SORCS1: variants seen among roughly 807,000 people sequenced by gnomAD.
SORCS1 encodes the protein VPS10 domain-containing receptor SorCS1.
A neutral mutation model predicts 146.1 loss-of-function variants in SORCS1; 60 were observed. The ratio of observed to expected loss-of-function variants is 0.41; its 90% confidence interval spans 0.33 to 0.51. SORCS1 has a LOEUF of 0.51. SORCS1 is among the 20% of genes least tolerant of loss of function. The pLI is 0.21. For synonymous variants in SORCS1, 637 were observed against 584.0 expected, an observed-to-expected ratio of 1.09 and a Z score of -1.31; for missense variants, 1,352 against 1,487.6, an observed-to-expected ratio of 0.91 and a Z score of 1.50.
At chr10:106,889,601 A>C (rs917905580) in intron 2 of SORCS1, among the ~76,000 whole-genome samples, 8 of 151,892 alleles carry the variant, frequency 5.3e-5, no homozygotes, top group African/African-American at 1.9e-4. Flanking sequence ...CGTCTCTACT[A>C]AACATACAAA....
At chr10:107,160,680 A>G (rs914029987) in intron 1 of SORCS1, among the ~76,000 whole-genome samples, 2 of 152,206 alleles carry the variant, frequency 1.3e-5, no homozygotes, top group African/African-American at 2.4e-5. Context: ...AAAGGGGCAG[A>G]GTGGTGAATT....
chr10:106,780,977 C>CT (rs3045084), intron 3 of SORCS1, among the ~76,000 whole-genome samples: 268 of 146,120 alleles, frequency 1.8e-3, no homozygotes, highest in East Asian at 4.4e-3. Context: ...GTCACTTCTC[C>CT]TTTTTTTTTT....
chr10:106,658,492 A>T (rs1322986700), intron 17 of SORCS1, among the ~76,000 whole-genome samples: 3 of 152,182 alleles, frequency 2.0e-5, no homozygotes, highest in African/African-American at 7.2e-5. Context: ...AATAAAAAAA[A>T]AGCATAAATA....
intron 2 of SORCS1, among the ~76,000 whole-genome samples, chr10:106,917,608 C>G (rs1324216669): frequency 6.6e-6 from 1 of 152,186 alleles, no homozygotes; most frequent in Non-Finnish European, 1.5e-5. Context: ...CCTCTAGATG[C>G]CAGTAGCATC....
intron 2 of SORCS1, among the ~76,000 whole-genome samples, chr10:106,848,156 C>T (rs1949386876): frequency 1.1e-5 from 1 of 88,438 alleles, no homozygotes; most frequent in African/African-American, 4.4e-5. Flanking sequence ...CTTTCTGTCT[C>T]GTTGATCTGT....
intron 8 of SORCS1, among the ~76,000 whole-genome samples, chr10:106,702,923 G>A (rs1435243947): frequency 1.3e-5 from 2 of 152,128 alleles, no homozygotes; most frequent in Non-Finnish European, 2.9e-5. Context: ...GACTTGAAAA[G>A]GAGGAAGGGA....
chr10:106,808,532 T>A lies in SORCS1; in HGVS notation c.726+21042A>T, dbSNP rs1260559536. On this transcript the variant is annotated intron_variant, in intron 3 of 25. Transcript: ENST00000263054. ...TTATTTATTTATGTGAGGCGGAGTG[T>A]CGCTCTGTCGCCCAGTCTGGAGTGC... is the stretch of plus-strand genomic sequence containing the variant. 2.6e-5 allele frequency among the ~76,000 whole-genome samples: 4 copies of A among 152,128 alleles called. No individual in the cohort carries two copies. The East Asian group carries it at 7.7e-4, about 29-fold the overall frequency.
the SORCS1 span, among the ~76,000 whole-genome samples, chr10:107,180,456 A>G: frequency 1.3e-5 from 2 of 152,176 alleles, no homozygotes; most frequent in East Asian, 3.9e-4. Flanking sequence ...CTCCAGAACT[A>G]TTAGTTGAAA....
At chr10:106,964,916 G>A (rs180976075) in intron 1 of SORCS1, among the ~76,000 whole-genome samples, 6 of 150,972 alleles carry the variant, frequency 4.0e-5, no homozygotes, top group Admixed American at 3.3e-4. Context: ...GCCTGGCCAA[G>A]ACCAGATTTT....
At chr10:106,818,769 T>C (rs1947869953) in intron 3 of SORCS1, among the ~76,000 whole-genome samples, 1 of 152,228 alleles carries the variant, frequency 6.6e-6, no homozygotes, top group South Asian at 2.1e-4. Flanking sequence ...ATATGCATTG[T>C]GCGCTTGTGG....
At chr10:107,075,446 A>T (rs927983) in intron 1 of SORCS1, among the ~76,000 whole-genome samples, 78,727 of 151,918 alleles carry the variant, frequency 0.52, 21,688 homozygotes, top group African/African-American at 0.68. Context: ...CAACACTTTC[A>T]TTGGAATAAA....
chr10:106,910,313 G>T (rs1173856734), intron 2 of SORCS1, among the ~76,000 whole-genome samples: 1 of 127,210 alleles, frequency 7.9e-6, no homozygotes, highest in Admixed American at 7.4e-5. Flanking sequence ...GTGTGTGTGT[G>T]TGAGACAGTA....
chr10:106,590,458 A>C (rs1050819864), intron 24 of SORCS1, among the ~76,000 whole-genome samples: 20 of 152,276 alleles, frequency 1.3e-4, no homozygotes, highest in Admixed American at 1.3e-3. Context: ...AAATCTAAAA[A>C]TGGATCCTGC....
chr10:106,692,820 A>C (rs1564864711), intron 9 of SORCS1, among the ~76,000 whole-genome samples: 1 of 152,166 alleles, frequency 6.6e-6, no homozygotes, highest in Non-Finnish European at 1.5e-5. Flanking sequence ...GTCAAAACAC[A>C]ATCAAAACTC....
intron 2 of SORCS1, among the ~76,000 whole-genome samples, chr10:106,850,016 G>T (rs1949484924): frequency 6.6e-6 from 1 of 152,182 alleles, no homozygotes; most frequent in Non-Finnish European, 1.5e-5. Context: ...TTTTAAGTCT[G>T]CAGAGTTTAC....
chr10:106,976,427 G>A (rs555301279), intron 1 of SORCS1, among the ~76,000 whole-genome samples: 5 of 149,196 alleles, frequency 3.4e-5, no homozygotes, highest in South Asian at 4.3e-4. Flanking sequence ...CGCCTCCCGG[G>A]TTCACGCCAT....
the SORCS1 span, among the ~76,000 whole-genome samples, chr10:107,176,261 C>T: frequency 6.6e-6 from 1 of 150,796 alleles, no homozygotes; most frequent in Non-Finnish European, 1.5e-5. Context: ...TCCTTCCTTC[C>T]TTTTCTCTTT....
intron 3 of SORCS1, among the ~76,000 whole-genome samples, chr10:106,794,817 T>C (rs1464357096): frequency 6.6e-6 from 1 of 152,106 alleles, no homozygotes; most frequent in African/African-American, 2.4e-5. Flanking sequence ...TTGTTTCCTT[T>C]TCTTAAAATA....
intron 2 of SORCS1, among the ~76,000 whole-genome samples, chr10:106,919,829 T>A (rs917697437): frequency 8.5e-5 from 13 of 152,210 alleles, no homozygotes; most frequent in Non-Finnish European, 1.5e-4. Context: ...TTTATTCCCA[T>A]TGTTTCAATA....
Sources: gnomAD v4.1 joint callset for allele counts (sites outside exome capture counted in the v4.1 genomes callset) on GRCh38, gnomAD v4.1.1 for gene constraint, MANE v1.5 for transcripts, NCBI Gene and HGNC (gene_info 2026-07-23, HGNC 2026-07-21) for gene names.